MCPH1: variants seen among roughly 807,000 people sequenced by gnomAD.
The protein encoded by MCPH1 is microcephalin.
Under a neutral mutation model 84.5 loss-of-function variants are expected in MCPH1, and 104 were observed. That is an observed-to-expected ratio of 1.23 (90% CI 1.05 to 1.45). The LOEUF (loss-of-function observed/expected upper bound fraction) is 1.45, where lower values mean the gene tolerates loss of function less well. Among genes scored for constraint, MCPH1 ranks in the 40% most tolerant of loss-of-function variants. The pLI, the probability that MCPH1 is intolerant of heterozygous loss-of-function variation, is 0.00. For missense variants in MCPH1, 1,498 were observed against 1,005.7 expected, an observed-to-expected ratio of 1.49 and a Z score of -6.62; for synonymous variants, 514 against 366.8, an observed-to-expected ratio of 1.40 and a Z score of -4.58.
chr8:6,633,547 C>G (rs1414744659), intron 13 of MCPH1, among the ~76,000 whole-genome samples: 1 of 152,200 alleles, frequency 6.6e-6, no homozygotes, highest in Non-Finnish European at 1.5e-5. Flanking sequence ...CCACACCTGA[C>G]CTCATGTGAC....
At chr8:6,467,900 TG>T (rs1173105694) in intron 9 of MCPH1, among the ~76,000 whole-genome samples, 13 of 152,282 alleles carry the variant, frequency 8.5e-5, no homozygotes, top group African/African-American at 3.1e-4. Flanking sequence ...GCCTGGCCCA[TG>T]GAGTAATTCT....
chr8:6,502,819 C>T (rs1437172747), intron 12 of MCPH1: 1 of 428,696 alleles, frequency 2.3e-6, no homozygotes, highest in African/African-American at 2.0e-5. Context: ...ACAGCAGCGT[C>T]TGTAAACTGT....
At chr8:6,480,921 G>A in intron 11 of MCPH1, 45 bp downstream of exon 11, 1 of 1,604,640 alleles carries the variant, frequency 6.2e-7, no homozygotes. Context: ...AAGGCATTTT[G>A]ATAGAGTGGG....
chr8:6,596,982 G>A (rs1828978550), intron 12 of MCPH1, among the ~76,000 whole-genome samples: 1 of 152,172 alleles, frequency 6.6e-6, no homozygotes, highest in South Asian at 2.1e-4. Context: ...AATCAGCGGA[G>A]AATCTAAAAC....
chr8:6,573,087 A>C (rs1176288769), intron 12 of MCPH1, among the ~76,000 whole-genome samples: 1 of 152,242 alleles, frequency 6.6e-6, no homozygotes, highest in East Asian at 1.9e-4. Flanking sequence ...AATTAACAAT[A>C]ATTGAGCCAA....
chr8:6,635,670 G>A (rs1461846235), intron 13 of MCPH1, among the ~76,000 whole-genome samples: 1 of 152,166 alleles, frequency 6.6e-6, no homozygotes, highest in Non-Finnish European at 1.5e-5. Context: ...GAAAGGAGCT[G>A]TCGGTTCTAA....
chr8:6,643,403 T>C lies in MCPH1; in HGVS notation c.*354T>C. 2 of 313,550 alleles carry C rather than the reference T, an allele frequency of 6.4e-6. No individual in the cohort carries two copies. The highest frequency in any genetic ancestry group is 1.2e-5 in the Non-Finnish European group (2 of 163,898). The allele number at this position is 313,550 out of a possible 1,614,324, so 19.4% of individuals were successfully genotyped here. A position where few individuals can be genotyped will look rare whatever the true frequency, so the allele number is the denominator to read the frequency against. ...CCTCAGCCTCCTGAGTAGCTGGGAT[T>C]ACAGATGTGTGCCACCATGCCTGGC... is the stretch of plus-strand genomic sequence containing the variant. On this transcript the variant is annotated 3_prime_UTR_variant, in exon 14 of 14. Coordinates refer to ENST00000344683, the MANE Select transcript of MCPH1 (RefSeq NM_024596.5).
intron 9 of MCPH1, among the ~76,000 whole-genome samples, chr8:6,469,617 T>A (rs901260540): frequency 1.1e-4 from 16 of 152,230 alleles, no homozygotes; most frequent in Non-Finnish European, 1.5e-5. Flanking sequence ...GTTATCTCCT[T>A]ATTTTACTTA....
At chr8:6,631,976 C>T (rs1339072895) in intron 13 of MCPH1, among the ~76,000 whole-genome samples, 1 of 152,150 alleles carries the variant, frequency 6.6e-6, no homozygotes, top group Non-Finnish European at 1.5e-5. Context: ...TGTGGTCTAT[C>T]CATACAGTGG....
chr8:6,606,155 C>T (rs762849874), intron 12 of MCPH1, among the ~76,000 whole-genome samples: 24 of 152,206 alleles, frequency 1.6e-4, no homozygotes, highest in Non-Finnish European at 2.8e-4. Context: ...CAAAGTGTTG[C>T]AAGATTCTGG....
At chr8:6,642,604 A>T (rs1359077596) in intron 13 of MCPH1, 9 of 344,620 alleles carry the variant, frequency 2.6e-5, no homozygotes, top group Non-Finnish European at 3.9e-5. Flanking sequence ...ATATGTATTT[A>T]CTTATACTCT....
chr8:6,597,497 A>C (rs1829020324), intron 12 of MCPH1, among the ~76,000 whole-genome samples: 1 of 152,094 alleles, frequency 6.6e-6, no homozygotes, highest in Admixed American at 6.5e-5. Flanking sequence ...GACTGTGCAA[A>C]AATAAAAGAC....
chr8:6,435,790 A>G (rs1802558390), intron 4 of MCPH1, among the ~76,000 whole-genome samples: 1 of 152,222 alleles, frequency 6.6e-6, no homozygotes, highest in South Asian at 2.1e-4. Flanking sequence ...CATGGAAACT[A>G]AGAATGCTAG....
chr8:6,502,394 T>A (rs1443652809), intron 12 of MCPH1: 1 of 152,132 alleles, frequency 6.6e-6, no homozygotes, highest in East Asian at 1.9e-4. Flanking sequence ...AAATGGCACG[T>A]TTCTGTTGAT....
chr8:6,535,137 G>T (rs1311742741), intron 12 of MCPH1, among the ~76,000 whole-genome samples: 4 of 152,130 alleles, frequency 2.6e-5, no homozygotes, highest in African/African-American at 9.7e-5. Context: ...CCTCCTTCTT[G>T]ATTTCAGTAC....
intron 12 of MCPH1, among the ~76,000 whole-genome samples, chr8:6,570,192 T>C (rs922295388): frequency 6.6e-6 from 1 of 152,242 alleles, no homozygotes; most frequent in Non-Finnish European, 1.5e-5. Flanking sequence ...TGTTTTAGAA[T>C]AGAAACAGTT....
chr8:6,523,173 A>G (rs897104626), intron 12 of MCPH1, among the ~76,000 whole-genome samples: 17 of 151,930 alleles, frequency 1.1e-4, no homozygotes, highest in African/African-American at 4.1e-4. Flanking sequence ...AACTTTTTGT[A>G]TTTTTAGTAG....
chr8:6,648,132 G>A lies in MCPH1; in HGVS notation c.*5083G>A, dbSNP rs529063327. On this transcript the variant is annotated 3_prime_UTR_variant, in exon 14 of 14. Coordinates refer to ENST00000344683, the MANE Select transcript of MCPH1 (RefSeq NM_024596.5). ...TTTCTCTGCAGTCCCCAGCCAATAC[G>A]TGGGCACAGAAAGGCACAGGGCATG... The A allele has an allele frequency of 1.4e-4, 22 of 152,306 alleles. No individual in the cohort carries two copies. In the South Asian group the frequency reaches 2.5e-3, roughly 17 times the overall value. 9.4% of individuals were successfully genotyped at this position (152,306 alleles called of 1,614,324 possible). A position where few individuals can be genotyped will look rare whatever the true frequency, so the allele number is the denominator to read the frequency against.
In MCPH1 at chr8:6,527,083, A is replaced by G. The variant is rs552921190; in HGVS notation, c.2214+27154A>G. Among the ~76,000 whole-genome samples the G allele has an allele frequency of 6.6e-5, 10 of 152,354 alleles. No individual in the cohort carries two copies. The East Asian group carries it at 1.5e-3, about 23-fold the overall frequency. On this transcript the variant is annotated intron_variant, in intron 12 of 13. Coordinates refer to ENST00000344683, the MANE Select transcript of MCPH1 (RefSeq NM_024596.5). ...TGAGTGAAGCTAAGTCCCCAAGGGC[A>G]AAGGATCTTGGTCAAGTTAATACTG...
Sources: allele counts gnomAD v4.1 joint callset (sites outside exome capture counted in the v4.1 genomes callset), GRCh38; gene constraint gnomAD v4.1.1; transcripts MANE v1.5; gene names NCBI Gene and HGNC (gene_info 2026-07-23, HGNC 2026-07-21).